WDFY4: variants seen among roughly 807,000 people sequenced by gnomAD.
WDFY4 encodes WD repeat- and FYVE domain-containing protein 4.
Under a neutral mutation model 351.9 loss-of-function variants are expected in WDFY4, and 169 were observed. That is an observed-to-expected ratio of 0.48 (90% CI 0.42 to 0.55). The LOEUF (loss-of-function observed/expected upper bound fraction) is 0.55. Ranked by LOEUF, WDFY4 falls within the 20% of genes least tolerant of loss-of-function variation. The pLI, the probability that WDFY4 is intolerant of heterozygous loss-of-function variation, is 0.00. For missense variants in WDFY4, 3,803 were observed against 3,935.6 expected (o/e 0.97, Z 0.90); for synonymous variants, 1,622 against 1,574.6 (o/e 1.03, Z -0.71).
intron 1 of WDFY4, among the ~76,000 whole-genome samples, chr10:48,707,918 G>A (rs1343235345): frequency 6.6e-6 from 1 of 152,086 alleles, no homozygotes; most frequent in African/African-American, 2.4e-5. Context: ...CACACTGCCT[G>A]CCCCTTAGAG....
intron 41 of WDFY4, 53 bp from the exon 42 acceptor site, chr10:48,875,036 G>A: frequency 8.5e-7 from 1 of 1,179,520 alleles, no homozygotes; most frequent in Non-Finnish European, 1.2e-6. Context: ...GGTGAGTGAA[G>A]CATAGATGTA....
intron 39 of WDFY4, 22 bp downstream of exon 39, chr10:48,832,731 T>C: frequency 6.7e-7 from 1 of 1,503,072 alleles, no homozygotes; most frequent in Non-Finnish European, 8.9e-7. Flanking sequence ...CCCCTTTTCC[T>C]CAGAAAAGTA....
At chr10:48,820,116 C>T in intron 32 of WDFY4, 118 bp from the exon 33 acceptor site, 1 of 1,189,944 alleles carries the variant, frequency 8.4e-7, no homozygotes, top group Non-Finnish European at 1.2e-6. Flanking sequence ...TGCGGAGCCT[C>T]AATTTCCGTA....
chr10:48,885,049 T>A (rs1465126676), intron 43 of WDFY4, among the ~76,000 whole-genome samples: 1 of 152,246 alleles, frequency 6.6e-6, no homozygotes, highest in Non-Finnish European at 1.5e-5. Context: ...ATGGGCAATA[T>A]GCTGACACCA....
chr10:48,805,378 G>A lies in WDFY4; in HGVS notation c.4603G>A (p.Ala1535Thr). The change falls in exon 26 of 62, where the codon GCC (alanine) becomes ACC (threonine). Residue 1535 changes from alanine (A) to threonine (T), a missense_variant. Around this residue, in one of 3 missense-constraint regions of WDFY4, gnomAD observed 3,054 missense variants for 3,148.6 expected, o/e 0.97. Transcript: ENST00000325239. Reference protein sequence around the residue: ...SKISTIIGILACQLRGHFSTQ... With the variant: ...SKISTIIGILTCQLRGHFSTQ... ...GATCTCCACCATCATTGGCATCCTG[G>A]CCTGTCAGCTGAGGGGCCACTTCAG... The A allele has an allele frequency of 6.5e-7, 1 of 1,549,528 alleles. No individual in the cohort carries two copies.
chr10:48,704,204 C>A, intron 1 of WDFY4, among the ~76,000 whole-genome samples: 1 of 152,192 alleles, frequency 6.6e-6, no homozygotes, highest in Non-Finnish European at 1.5e-5. Context: ...GAGGAGAAGC[C>A]GAGTCTCAGA....
chr10:48,932,409 A>G (rs1381827711), intron 47 of WDFY4: 2 of 152,218 alleles, frequency 1.3e-5, no homozygotes, highest in Non-Finnish European at 2.9e-5. Context: ...CAAATTATTA[A>G]TACTAACATT....
chr10:48,741,808 T>C (rs181476338), intron 11 of WDFY4, among the ~76,000 whole-genome samples: 37 of 152,260 alleles, frequency 2.4e-4, no homozygotes, highest in Non-Finnish European at 2.8e-4. Flanking sequence ...ATTAAATACC[T>C]GAAAAGATAA....
At chr10:48,925,489 G>A (rs557301920) in intron 47 of WDFY4, among the ~76,000 whole-genome samples, 1 of 152,308 alleles carries the variant, frequency 6.6e-6, no homozygotes, top group South Asian at 2.1e-4. Flanking sequence ...ATTGTGTGCT[G>A]TGCTACTTGC....
Position 48,970,138 on chromosome 10 carries a change from T to C in WDFY4, c.8777T>C (p.Met2926Thr). 6.4e-7 allele frequency: 1 copy of C among 1,551,606 alleles called. No individual in the cohort carries two copies. The highest frequency in any genetic ancestry group is 8.7e-7 in the Non-Finnish European group (1 of 1,146,992). ...CCCCCTTATCTCCTACAGGTCCTGA[T>C]GACATTCGAGAACCTGGCTGCCTGG... Reference protein sequence around the residue: ...LGSYGSDKVLMTFENLAAWGR... With the variant: ...LGSYGSDKVLTTFENLAAWGR... Residue 2926 changes from methionine (M) to threonine (T), a missense_variant, in exon 57 of 62, where the codon ATG becomes ACG. Transcript: ENST00000325239.
intron 2 of WDFY4, among the ~76,000 whole-genome samples, chr10:48,712,103 C>T (rs2063781734): frequency 6.6e-6 from 1 of 152,204 alleles, no homozygotes; most frequent in Non-Finnish European, 1.5e-5. Context: ...GGCATAATGA[C>T]CCTGTTGTTG....
intron 11 of WDFY4, among the ~76,000 whole-genome samples, chr10:48,741,439 C>A (rs1468141910): frequency 1.1e-5 from 1 of 93,982 alleles, no homozygotes; most frequent in Non-Finnish European, 1.9e-5. Flanking sequence ...GGTGACAGAG[C>A]AAGACTCCGT....
intron 4 of WDFY4, among the ~76,000 whole-genome samples, chr10:48,723,141 T>A (rs1488692883): frequency 1.3e-5 from 2 of 151,604 alleles, no homozygotes; most frequent in African/African-American, 2.4e-5. Flanking sequence ...TTCCCTCCTT[T>A]CCACCCTCCC....
At chr10:48,942,480 A>C (rs1030151814) in intron 48 of WDFY4, among the ~76,000 whole-genome samples, 1 of 152,224 alleles carries the variant, frequency 6.6e-6, no homozygotes, top group Non-Finnish European at 1.5e-5. Context: ...ACACATGTAT[A>C]CAGCCACATA....
intron 12 of WDFY4, among the ~76,000 whole-genome samples, chr10:48,753,096 G>A (rs556907846): frequency 6.6e-6 from 1 of 152,048 alleles, no homozygotes; most frequent in Non-Finnish European, 1.5e-5. Context: ...TTGTGATTTT[G>A]ATTTTTGTTT....
At chr10:48,739,150 G>C (rs1339643119) in intron 11 of WDFY4, among the ~76,000 whole-genome samples, 1 of 152,176 alleles carries the variant, frequency 6.6e-6, no homozygotes, top group Non-Finnish European at 1.5e-5. Context: ...TACCTCACCG[G>C]TATTCCACCA....
intron 1 of WDFY4, among the ~76,000 whole-genome samples, chr10:48,706,514 G>C (rs994985865): frequency 1.3e-5 from 2 of 152,032 alleles, no homozygotes; most frequent in African/African-American, 4.8e-5. Flanking sequence ...ACTTGCTTTT[G>C]ATTTTATTCT....
At chr10:48,823,802 T>C in intron 35 of WDFY4, 2 of 988,752 alleles carry the variant, frequency 2.0e-6, no homozygotes, top group South Asian at 9.3e-5. Context: ...TCCACCAGCC[T>C]CCTCTCTTGC....
chr10:48,841,300 T>A (rs891476250), intron 39 of WDFY4, among the ~76,000 whole-genome samples: 2 of 152,238 alleles, frequency 1.3e-5, no homozygotes, highest in African/African-American at 4.8e-5. Flanking sequence ...TTTGTGCTTT[T>A]TTCTTATTTG....
Sources: allele counts gnomAD v4.1 joint callset (sites outside exome capture counted in the v4.1 genomes callset), GRCh38; gene constraint gnomAD v4.1.1; regional missense constraint gnomAD v4.1.1; transcripts MANE v1.5; gene names NCBI Gene and HGNC (gene_info 2026-07-23, HGNC 2026-07-21).